PRKG1: variants seen among roughly 807,000 people sequenced by gnomAD.
PRKG1 encodes the protein cGMP-dependent protein kinase 1.
A neutral mutation model predicts 88.1 loss-of-function variants in PRKG1; 35 were observed. That is an observed-to-expected ratio of 0.40 (90% CI 0.30 to 0.53). PRKG1 has a LOEUF of 0.53. Among genes scored for constraint, PRKG1 ranks in the 20% least tolerant of loss-of-function variants. PRKG1 has a pLI of 0.59. For synonymous variants in PRKG1, 303 were observed against 292.5 expected, an observed-to-expected ratio of 1.04 and a Z score of -0.37; for missense variants, 540 against 839.8, an observed-to-expected ratio of 0.64 and a Z score of 4.41.
chr10:51,519,366 A>T (rs1016216092), intron 3 of PRKG1, among the ~76,000 whole-genome samples: 1 of 152,156 alleles, frequency 6.6e-6, no homozygotes, highest in Non-Finnish European at 1.5e-5. Context: ...TGCTGAAATC[A>T]TGCAATTAGT....
At chr10:51,432,645 AG>A (rs1235757886) in intron 2 of PRKG1, among the ~76,000 whole-genome samples, 4 of 151,634 alleles carry the variant, frequency 2.6e-5, no homozygotes, top group African/African-American at 9.8e-5. Flanking sequence ...AAGGTCTACC[AG>A]GGGCAGAGCT....
intron 3 of PRKG1, among the ~76,000 whole-genome samples, chr10:51,596,148 G>T (rs1838443286): frequency 6.6e-6 from 1 of 152,026 alleles, no homozygotes; most frequent in African/African-American, 2.4e-5. Flanking sequence ...TTATTTAACT[G>T]ATTTCTGCCC....
At chr10:51,415,840 C>T (rs568649721) in intron 2 of PRKG1, among the ~76,000 whole-genome samples, 4 of 151,858 alleles carry the variant, frequency 2.6e-5, no homozygotes, top group South Asian at 4.2e-4. Flanking sequence ...TAATATTTTC[C>T]TTAGTAGGTC....
chr10:51,412,503 G>A (rs752649841), intron 2 of PRKG1, among the ~76,000 whole-genome samples: 4 of 152,216 alleles, frequency 2.6e-5, no homozygotes, highest in Middle Eastern at 3.4e-3. Context: ...AATTAGCCAA[G>A]CGTGGTGGTG....
chr10:50,999,252 G>C (rs1842863699), intron 1 of PRKG1, among the ~76,000 whole-genome samples: 1 of 152,134 alleles, frequency 6.6e-6, no homozygotes. Flanking sequence ...TCAAGGATTT[G>C]ATTTGGATTG....
intron 3 of PRKG1, among the ~76,000 whole-genome samples, chr10:51,753,083 G>T (rs1837767523): frequency 6.6e-6 from 1 of 152,026 alleles, no homozygotes; most frequent in Non-Finnish European, 1.5e-5. Context: ...CTAAGTACTT[G>T]GCAGTGTACA....
At chr10:51,349,846 G>C (rs2132562408) in intron 2 of PRKG1, among the ~76,000 whole-genome samples, 1 of 152,144 alleles carries the variant, frequency 6.6e-6, no homozygotes, top group Middle Eastern at 3.4e-3. Flanking sequence ...ATTCTCTCTA[G>C]AGATTCTCAG....
rs190596062 is a variant in PRKG1, at chr10:51,786,015, G to T, written c.593-18570G>T. Among the ~76,000 whole-genome samples, 127 of 152,226 alleles carry T rather than the reference G, an allele frequency of 8.3e-4. 1 individual carries two copies. The East Asian group carries it at 0.021, about 25-fold the overall frequency. ...AGAGTTTGCTGCATCTTTGAAGCAGGTGGCATTAGTTATGCCCAAGAAAAT... is the reference window on the plus strand; with the variant it reads ...AGAGTTTGCTGCATCTTTGAAGCAGTTGGCATTAGTTATGCCCAAGAAAAT... On this transcript the variant is annotated intron_variant, in intron 3 of 17. Coordinates refer to ENST00000373980, the MANE Select transcript of PRKG1 (RefSeq NM_006258.4).
chr10:51,866,568 A>T (rs900620935), intron 4 of PRKG1, among the ~76,000 whole-genome samples: 1 of 152,180 alleles, frequency 6.6e-6, no homozygotes, highest in Non-Finnish European at 1.5e-5. Flanking sequence ...TTTCTAATTG[A>T]TGGTGAGATT....
chr10:51,702,664 T>C (rs569700056), intron 3 of PRKG1, among the ~76,000 whole-genome samples: 2 of 152,220 alleles, frequency 1.3e-5, no homozygotes, highest in East Asian at 3.9e-4. Flanking sequence ...TTAATCACTT[T>C]CAGAAACTAC....
intron 3 of PRKG1, among the ~76,000 whole-genome samples, chr10:51,471,550 C>T (rs978788337): frequency 6.6e-6 from 1 of 151,792 alleles, no homozygotes; most frequent in Non-Finnish European, 1.5e-5. Context: ...TTTGCACTTA[C>T]CCTGGGCCTT....
intron 1 of PRKG1, among the ~76,000 whole-genome samples, chr10:51,010,337 A>C (rs528331281): frequency 1.6e-4 from 25 of 152,364 alleles, no homozygotes; most frequent in African/African-American, 4.8e-4. Flanking sequence ...ATTATGTTGG[A>C]AAACAGAATC....
intron 3 of PRKG1, among the ~76,000 whole-genome samples, chr10:51,565,655 C>T (rs1482280011): frequency 6.6e-6 from 1 of 152,002 alleles, no homozygotes; most frequent in Non-Finnish European, 1.5e-5. Flanking sequence ...CTAATTGTAG[C>T]CATTTTATCT....
At chr10:52,106,660 C>T (rs766164752) in intron 7 of PRKG1, among the ~76,000 whole-genome samples, 10 of 150,288 alleles carry the variant, frequency 6.7e-5, no homozygotes, top group Admixed American at 2.7e-4. Context: ...GCCGAGATCG[C>T]GCCACTGCAC....
At chr10:51,255,301 T>C (rs1396182189) in intron 2 of PRKG1, among the ~76,000 whole-genome samples, 1 of 152,114 alleles carries the variant, frequency 6.6e-6, no homozygotes, top group East Asian at 1.9e-4. Flanking sequence ...ATGGCTCATA[T>C]CTTTGTAGTA....
chr10:51,270,450 C>A (rs1301979073), intron 2 of PRKG1, among the ~76,000 whole-genome samples: 1 of 151,762 alleles, frequency 6.6e-6, no homozygotes, highest in Non-Finnish European at 1.5e-5. Context: ...AGTTAAATAC[C>A]CCCTTTGAAG....
chr10:51,972,342 A>G (rs1408177175), intron 5 of PRKG1, among the ~76,000 whole-genome samples: 3 of 152,176 alleles, frequency 2.0e-5, no homozygotes, highest in Admixed American at 2.0e-4. Context: ...GTTGTTAACC[A>G]CTGTGTGCTA....
At chr10:51,719,912 A>G (rs1195690582) in intron 3 of PRKG1, among the ~76,000 whole-genome samples, 1 of 152,198 alleles carries the variant, frequency 6.6e-6, no homozygotes, top group Non-Finnish European at 1.5e-5. Context: ...GCCCAGTAGG[A>G]GCTAGGTCTA....
intron 2 of PRKG1, among the ~76,000 whole-genome samples, chr10:51,237,575 TG>T (rs1839031325): frequency 6.6e-6 from 1 of 152,202 alleles, no homozygotes; most frequent in Non-Finnish European, 1.5e-5. Flanking sequence ...CAGCATTGAC[TG>T]GCACCCACGC....
Sources: allele counts gnomAD v4.1 joint callset (sites outside exome capture counted in the v4.1 genomes callset), GRCh38; gene constraint gnomAD v4.1.1; transcripts MANE v1.5; gene names NCBI Gene and HGNC (gene_info 2026-07-23, HGNC 2026-07-21).